Variants in GNA14 observed in about 807,000 individuals in gnomAD.
GNA14 encodes the protein guanine nucleotide-binding protein subunit alpha-14.
GNA14 carries 50 observed loss-of-function variants against 42.0 expected under a neutral mutation model. The ratio of observed to expected loss-of-function variants is 1.19; its 90% confidence interval spans 0.95 to 1.51. The LOEUF is 1.51. Ranked by LOEUF, GNA14 falls within the 40% of genes most tolerant of loss-of-function variation. The pLI is 0.00. For synonymous variants in GNA14, 173 were observed against 163.1 expected, an observed-to-expected ratio of 1.06 and a Z score of -0.46; for missense variants, 473 against 446.2, an observed-to-expected ratio of 1.06 and a Z score of -0.54.
intron 1 of GNA14, among the ~76,000 whole-genome samples, chr9:77,543,505 G>A (rs1234551045): frequency 6.6e-6 from 1 of 152,226 alleles, no homozygotes; most frequent in Non-Finnish European, 1.5e-5. Context: ...GGAGCCCGTG[G>A]GACTAAGCAT....
intron 2 of GNA14, among the ~76,000 whole-genome samples, chr9:77,491,929 A>G (rs1177640662): frequency 6.6e-6 from 1 of 152,218 alleles, no homozygotes; most frequent in Non-Finnish European, 1.5e-5. Context: ...AACAACTCTC[A>G]ACAAAAGAGT....
At chr9:77,613,655 T>C (rs569770885) in intron 1 of GNA14, among the ~76,000 whole-genome samples, 2 of 152,202 alleles carry the variant, frequency 1.3e-5, no homozygotes, top group Non-Finnish European at 2.9e-5. Flanking sequence ...ACTTGTTAAG[T>C]TGTATTTGTT....
intron 1 of GNA14, chr9:77,580,377 C>A: frequency 3.1e-6 from 1 of 320,040 alleles, no homozygotes; most frequent in South Asian, 3.6e-5. Context: ...GGAAGGACAG[C>A]AATGACAGGG....
intron 2 of GNA14, among the ~76,000 whole-genome samples, chr9:77,492,931 G>A (rs1055611729): frequency 1.3e-5 from 2 of 149,380 alleles, no homozygotes; most frequent in African/African-American, 5.0e-5. Flanking sequence ...AACCTGGGAG[G>A]CGGAGGTTGC....
intron 1 of GNA14, among the ~76,000 whole-genome samples, chr9:77,530,005 A>G (rs994346227): frequency 6.6e-6 from 1 of 152,246 alleles, no homozygotes; most frequent in African/African-American, 2.4e-5. Context: ...TCTTTGATAA[A>G]GATAATTTAT....
intron 2 of GNA14, among the ~76,000 whole-genome samples, chr9:77,520,264 G>C (rs1360127411): frequency 6.6e-6 from 1 of 152,092 alleles, no homozygotes; most frequent in South Asian, 2.1e-4. Flanking sequence ...AACCCCAAAA[G>C]GGGAATTTAT....
intron 1 of GNA14, among the ~76,000 whole-genome samples, chr9:77,604,852 C>T (rs573368348): frequency 6.6e-6 from 1 of 152,218 alleles, no homozygotes; most frequent in Non-Finnish European, 1.5e-5. Flanking sequence ...TTCTGCTTTG[C>T]TCACTGATTC....
chr9:77,458,482 G>T (rs181501365), intron 2 of GNA14, among the ~76,000 whole-genome samples: 1 of 152,168 alleles, frequency 6.6e-6, no homozygotes, highest in Non-Finnish European at 1.5e-5. Flanking sequence ...CACAGTTAGC[G>T]AAAGTTCCGG....
chr9:77,599,350 C>A (rs558096435), intron 1 of GNA14, among the ~76,000 whole-genome samples: 6 of 152,294 alleles, frequency 3.9e-5, no homozygotes, highest in African/African-American at 1.4e-4. Flanking sequence ...AGCCACAGAA[C>A]GGAGAATTTT....
At chr9:77,468,238 G>T (rs1836270434) in intron 2 of GNA14, among the ~76,000 whole-genome samples, 1 of 152,096 alleles carries the variant, frequency 6.6e-6, no homozygotes, top group African/African-American at 2.4e-5. Context: ...TGCTCTTACT[G>T]GCATATAGTA....
intron 1 of GNA14, among the ~76,000 whole-genome samples, chr9:77,621,629 A>G (rs1214281084): frequency 1.3e-5 from 2 of 152,214 alleles, no homozygotes; most frequent in Non-Finnish European, 2.9e-5. Flanking sequence ...TAGGTAAGAG[A>G]GAGACTTCAT....
At chr9:77,549,081 C>G (rs771963233) in intron 1 of GNA14, among the ~76,000 whole-genome samples, 1 of 152,090 alleles carries the variant, frequency 6.6e-6, no homozygotes, top group Non-Finnish European at 1.5e-5. Context: ...ATTACAGGCA[C>G]GTGCCACCAC....
chr9:77,646,298 C>T (rs1475327093), intron 1 of GNA14, among the ~76,000 whole-genome samples: 1 of 152,210 alleles, frequency 6.6e-6, no homozygotes, highest in Non-Finnish European at 1.5e-5. Flanking sequence ...TTCTAGGGCT[C>T]AGGCCTTAGA....
chr9:77,425,094 A>C (rs554474496), intron 6 of GNA14, among the ~76,000 whole-genome samples: 1 of 152,250 alleles, frequency 6.6e-6, no homozygotes, highest in African/African-American at 2.4e-5. Flanking sequence ...GGCATGAGGA[A>C]TGCACAGATA....
intron 1 of GNA14, among the ~76,000 whole-genome samples, chr9:77,558,092 A>G (rs1822818053): frequency 6.6e-6 from 1 of 152,218 alleles, no homozygotes; most frequent in South Asian, 2.1e-4. Context: ...CATATTTAAA[A>G]AATAATTCTT....
intron 2 of GNA14, among the ~76,000 whole-genome samples, chr9:77,439,059 C>T (rs987998737): frequency 1.3e-5 from 2 of 152,162 alleles, no homozygotes; most frequent in Non-Finnish European, 2.9e-5. Context: ...TTCCTTTAGT[C>T]TCCATTTATC....
At chr9:77,444,158 AC>A (rs1441388744) in intron 2 of GNA14, among the ~76,000 whole-genome samples, 11 of 152,258 alleles carry the variant, frequency 7.2e-5, no homozygotes, top group African/African-American at 2.6e-4. Context: ...AGAATGCCCC[AC>A]CATGTTTGGT....
At chr9:77,583,729 CTT>C (rs1227681018) in intron 1 of GNA14, among the ~76,000 whole-genome samples, 2 of 152,132 alleles carry the variant, frequency 1.3e-5, no homozygotes, top group African/African-American at 4.8e-5. Flanking sequence ...GTTTCTAAAA[CTT>C]TTCTGTGCAT....
intron 1 of GNA14, among the ~76,000 whole-genome samples, chr9:77,534,016 C>T (rs897647810): frequency 2.6e-5 from 4 of 152,154 alleles, no homozygotes; most frequent in African/African-American, 9.7e-5. Context: ...ACGCATATGT[C>T]ACCTGTGTGA....
Sources: allele counts gnomAD v4.1 joint callset (sites outside exome capture counted in the v4.1 genomes callset), GRCh38; gene constraint gnomAD v4.1.1; transcripts MANE v1.5; gene names NCBI Gene and HGNC (gene_info 2026-07-23, HGNC 2026-07-21).